PARP8: variants seen among roughly 807,000 people sequenced by gnomAD.
PARP8 encodes the protein protein mono-ADP-ribosyltransferase PARP8.
In PARP8, 51 loss-of-function variants were observed where a neutral mutation model predicts 124.1. That is an observed-to-expected ratio of 0.41 (90% CI 0.33 to 0.52). The LOEUF is 0.52. Ranked by LOEUF, PARP8 falls within the 20% of genes least tolerant of loss-of-function variation. PARP8 has a pLI of 0.21. For missense variants in PARP8, 860 were observed against 1,018.9 expected (o/e 0.84, Z 2.12); for synonymous variants, 391 against 361.5 (o/e 1.08, Z -0.93).
At chr5:50,811,734 C>T (rs1744470508) in intron 14 of PARP8, among the ~76,000 whole-genome samples, 1 of 152,074 alleles carries the variant, frequency 6.6e-6, no homozygotes, top group African/African-American at 2.4e-5. Context: ...TGCTATCCCT[C>T]CCCCATCCTC....
At chr5:50,831,441 G>A (rs1373749293) in intron 22 of PARP8, among the ~76,000 whole-genome samples, 2 of 152,052 alleles carry the variant, frequency 1.3e-5, no homozygotes, top group African/African-American at 4.8e-5. Context: ...TCCATCTCTT[G>A]TTAGCAAAGA....
chr5:50,723,918 A>G (rs1018382822), intron 2 of PARP8, among the ~76,000 whole-genome samples: 1 of 152,128 alleles, frequency 6.6e-6, no homozygotes. Flanking sequence ...CCTTTTAAAT[A>G]TTAAGTAGAG....
intron 2 of PARP8, among the ~76,000 whole-genome samples, chr5:50,673,303 A>G (rs1003831431): frequency 1.3e-5 from 2 of 152,194 alleles, no homozygotes; most frequent in African/African-American, 2.4e-5. Flanking sequence ...GTTGAGTTTT[A>G]AAACCACTGA....
intron 3 of PARP8, among the ~76,000 whole-genome samples, chr5:50,756,324 T>G (rs1162623852): frequency 2.0e-5 from 3 of 152,188 alleles, no homozygotes; most frequent in African/African-American, 7.2e-5. Context: ...GGGTTTGTCA[T>G]AGATAGCTCT....
intron 2 of PARP8, among the ~76,000 whole-genome samples, chr5:50,749,717 A>G (rs2149550972): frequency 6.6e-6 from 1 of 152,270 alleles, no homozygotes; most frequent in African/African-American, 2.4e-5. Context: ...TATCAAAAGT[A>G]CTTCATATTT....
intron 14 of PARP8, among the ~76,000 whole-genome samples, chr5:50,812,386 GTCT>G (rs1744559885): frequency 1.3e-5 from 2 of 152,186 alleles, no homozygotes; most frequent in Non-Finnish European, 2.9e-5. Flanking sequence ...CTGCATAAAT[GTCT>G]TCTTTTGAGA....
At chr5:50,789,965 C>T (rs780513741) in intron 10 of PARP8, among the ~76,000 whole-genome samples, 2 of 152,038 alleles carry the variant, frequency 1.3e-5, no homozygotes, top group African/African-American at 2.4e-5. Flanking sequence ...GGTCATTTTG[C>T]CTGATGTAGG....
At chr5:50,718,966 C>T (rs997873004) in intron 2 of PARP8, among the ~76,000 whole-genome samples, 5 of 151,942 alleles carry the variant, frequency 3.3e-5, no homozygotes, top group African/African-American at 7.2e-5. Context: ...GCATGCTCAC[C>T]AGCATTAATT....
chr5:50,748,019 C>G (rs1425193768), intron 2 of PARP8, among the ~76,000 whole-genome samples: 1 of 151,784 alleles, frequency 6.6e-6, no homozygotes, highest in Non-Finnish European at 1.5e-5. Context: ...GTGTCTTGTT[C>G]CATTAACATT....
At chr5:50,702,140 A>G (rs1753662936) in intron 2 of PARP8, among the ~76,000 whole-genome samples, 1 of 152,186 alleles carries the variant, frequency 6.6e-6, no homozygotes, top group Non-Finnish European at 1.5e-5. Context: ...TTCTTTAGAA[A>G]TAAAAGGAAC....
intron 7 of PARP8, among the ~76,000 whole-genome samples, chr5:50,772,323 A>G (rs1182517729): frequency 1.3e-5 from 2 of 152,212 alleles, no homozygotes; most frequent in Non-Finnish European, 2.9e-5. Context: ...GGGGGCACAG[A>G]TATCTCTTGG....
chr5:50,786,009 C>T (rs1741206819), intron 9 of PARP8, among the ~76,000 whole-genome samples: 1 of 152,072 alleles, frequency 6.6e-6, no homozygotes, highest in Non-Finnish European at 1.5e-5. Flanking sequence ...ATTCATTTCT[C>T]TTTTTCTCTT....
At chr5:50,800,393 T>A (rs901370319) in intron 14 of PARP8, among the ~76,000 whole-genome samples, 22 of 152,230 alleles carry the variant, frequency 1.4e-4, no homozygotes, top group African/African-American at 5.3e-4. Context: ...CACTTTTTCC[T>A]TGTTAATCAG....
chr5:50,679,618 C>T (rs1410061975), intron 2 of PARP8, among the ~76,000 whole-genome samples: 1 of 152,004 alleles, frequency 6.6e-6, no homozygotes, highest in Non-Finnish European at 1.5e-5. Flanking sequence ...ATTGTCTGAC[C>T]CCTTTTTATT....
rs1760775221 is a variant in PARP8, at chr5:50,763,614, T to C, written c.518+372T>C. 3.3e-5 allele frequency among the ~76,000 whole-genome samples: 5 copies of C among 151,910 alleles called. No individual in the cohort carries two copies. The South Asian group carries it at 1.0e-3, about 32-fold the overall frequency. On this transcript the variant is annotated intron_variant, in intron 7 of 25. Transcript: ENST00000281631. ...GATGCCTACCCACTGGTATCCAAAT[T>C]ACATTGTCATCTGGTCCCTAAAAAA... is the stretch of plus-strand genomic sequence containing the variant.
chr5:50,751,432 T>A (rs781545325), intron 3 of PARP8, among the ~76,000 whole-genome samples: 1 of 152,162 alleles, frequency 6.6e-6, no homozygotes, highest in African/African-American at 2.4e-5. Flanking sequence ...GGAGTGTAAG[T>A]ATATATATTT....
At chr5:50,751,362 A>G (rs1759241272) in intron 3 of PARP8, among the ~76,000 whole-genome samples, 2 of 152,166 alleles carry the variant, frequency 1.3e-5, no homozygotes, top group African/African-American at 4.8e-5. Flanking sequence ...TTTTTACTGA[A>G]TTCTCTAACT....
At chr5:50,783,744 G>A (rs1246457964) in intron 9 of PARP8, among the ~76,000 whole-genome samples, 2 of 152,112 alleles carry the variant, frequency 1.3e-5, no homozygotes, top group African/African-American at 2.4e-5. Flanking sequence ...TGAGCTGAGA[G>A]CACATACTCA....
At chr5:50,830,000 G>A (rs1306945394) in intron 22 of PARP8, 39 bp downstream of exon 22, 3 of 1,588,740 alleles carry the variant, frequency 1.9e-6, no homozygotes, top group Non-Finnish European at 1.7e-6. Flanking sequence ...ACATTTATTA[G>A]GTTTTAATTT....
Sources: allele counts gnomAD v4.1 joint callset (sites outside exome capture counted in the v4.1 genomes callset), GRCh38; gene constraint gnomAD v4.1.1; transcripts MANE v1.5; gene names NCBI Gene and HGNC (gene_info 2026-07-23, HGNC 2026-07-21).